The following MPHOSPH8 variants were observed in gnomAD, a reference collection of about 807,000 sequenced individuals.
MPHOSPH8 encodes M-phase phosphoprotein, mpp.
A neutral mutation model predicts 87.3 loss-of-function variants in MPHOSPH8; 45 were observed. The observed-to-expected ratio is 0.52, with a 90% confidence interval of 0.41 to 0.66. The LOEUF (loss-of-function observed/expected upper bound fraction) is 0.66, where lower values mean the gene tolerates loss of function less well. MPHOSPH8 is among the 30% of genes least tolerant of loss of function. The pLI, the probability that MPHOSPH8 is intolerant of heterozygous loss-of-function variation, is 0.00. For synonymous variants in MPHOSPH8, 366 were observed against 376.9 expected (o/e 0.97, Z 0.33); for missense variants, 883 against 1,020.2 (o/e 0.87, Z 1.83).
At chr13:19,645,691 G>A (rs1434890544) in intron 2 of MPHOSPH8, among the ~76,000 whole-genome samples, 2 of 151,272 alleles carry the variant, frequency 1.3e-5, no homozygotes, top group Middle Eastern at 3.2e-3. Context: ...AGGAGGCAGG[G>A]GTTGCAGTGA....
In MPHOSPH8 at chr13:19,647,025, A is replaced by T. The variant is rs141397171; in HGVS notation, c.952A>T (p.Met318Leu). 1.1e-3 allele frequency: 1,748 copies of T among 1,605,382 alleles called. 4 individuals are homozygous for T. The highest frequency in any genetic ancestry group is 1.4e-3 in the Non-Finnish European group (1,600 of 1,177,806). Residue 318 changes from methionine to leucine, a missense_variant, in exon 3 of 14, where the codon ATG (methionine) becomes TTG (leucine). Met to Leu is a conservative substitution (Grantham distance 15, BLOSUM62 2). Transcript: ENST00000361479. ...CTTTGAGAAGCCCCTAGACAGTGCC[A>T]TGAGTGCTGAGGAGGATACCGATGT... The part of the protein sequence containing the change: ...HGFEKPLDSA[M>L]SAEEDTDVRG...
Position 19,633,857 on chromosome 13 carries a change from G to A in MPHOSPH8, c.109G>A (p.Asp37Asn). Residue 37 changes from aspartate (D) to asparagine (N), a missense_variant, in exon 1 of 14, where the codon GAT (aspartate) becomes AAT (asparagine). By Grantham distance (23) the Asp-to-Asn change is conservative. This residue lies in a region of MPHOSPH8 where 103 missense variants were observed against 96.3 expected (regional missense o/e 1.07). Coordinates refer to ENST00000361479, the MANE Select transcript of MPHOSPH8 (RefSeq NM_017520.4). ...AGAAGGAGTTGGAGTAGTGGGCGAAGATAATGACGCAGCCGCGAGAGGAGC... is the reference window on the plus strand; with the variant it reads ...AGAAGGAGTTGGAGTAGTGGGCGAAAATAATGACGCAGCCGCGAGAGGAGC... ...VEEGVGVVGEDNDAAARGAEA... is the reference protein window; with the variant it reads ...VEEGVGVVGENNDAAARGAEA... The A allele has an allele frequency of 1.2e-6, 2 of 1,611,506 alleles. No homozygotes were observed. Among genetic ancestry groups the A allele is most frequent in the South Asian group, 2.2e-5 (2 of 90,288 alleles).
At position 19,673,051 on chromosome 13, in the gene MPHOSPH8, T is replaced by C; in HGVS notation, c.*1176T>C. The C allele has an allele frequency of 2.3e-6, 1 of 439,864 alleles. No individual in the cohort carries two copies. Among genetic ancestry groups the C allele is most frequent in the South Asian group, 1.6e-5 (1 of 62,240 alleles). 27.2% of individuals were successfully genotyped at this position (439,864 alleles called of 1,614,324 possible). A position where few individuals can be genotyped will look rare whatever the true frequency, so the allele number is the denominator to read the frequency against. ...GCCTGAGTGACAGAATGAGACCTTG[T>C]CTCAAAAAAAAAAAAAAGTTTCTTG... On this transcript the variant is annotated 3_prime_UTR_variant, in exon 14 of 14. Transcript: ENST00000361479.
intron 1 of MPHOSPH8, among the ~76,000 whole-genome samples, chr13:19,636,958 T>A (rs1473965128): frequency 1.3e-5 from 2 of 152,194 alleles, no homozygotes; most frequent in African/African-American, 4.8e-5. Context: ...TGCAATTTCC[T>A]TATACATGGC....
At chr13:19,657,971 C>T (rs1467497138) in intron 5 of MPHOSPH8, among the ~76,000 whole-genome samples, 1 of 152,198 alleles carries the variant, frequency 6.6e-6, no homozygotes, top group Non-Finnish European at 1.5e-5. Flanking sequence ...ACATGTCTCC[C>T]CTTACAGGTT....
rs1390204423 is a variant in MPHOSPH8, at chr13:19,658,849, A to G, written c.1577-146A>G. 6.3e-6 allele frequency: 6 copies of G among 957,810 alleles called. No individual in the cohort carries two copies. The East Asian group carries it at 1.3e-4, about 21-fold the overall frequency. The allele number at this position is 957,810 out of a possible 1,614,324, so 59.3% of individuals were successfully genotyped here. ...CTTCCCAAAGAAAATTGGGGATTTT[A>G]TCAATTAAAAGACCCCATTATACAA... On this transcript the variant is annotated intron_variant, in intron 5 of 13. Coordinates refer to ENST00000361479, the MANE Select transcript of MPHOSPH8 (RefSeq NM_017520.4).
chr13:19,655,746 C>T (rs1335398049), intron 5 of MPHOSPH8, among the ~76,000 whole-genome samples: 1 of 152,110 alleles, frequency 6.6e-6, no homozygotes, highest in African/African-American at 2.4e-5. Context: ...TTTTATTCAA[C>T]ATTATACTAA....
chr13:19,650,291 C>T, intron 5 of MPHOSPH8, 31 bp downstream of exon 5: 1 of 1,603,650 alleles, frequency 6.2e-7, no homozygotes, highest in South Asian at 1.1e-5. Flanking sequence ...CAGAATTTTT[C>T]AAGGTAGTGC....
chr13:19,651,323 TG>T (rs1210133210), intron 5 of MPHOSPH8, among the ~76,000 whole-genome samples: 3 of 152,008 alleles, frequency 2.0e-5, no homozygotes, highest in Non-Finnish European at 4.4e-5. Context: ...GCTCAGGAGT[TG>T]GAGACCAGCC....
chr13:19,648,267 CT>C (rs1565936339), intron 3 of MPHOSPH8, among the ~76,000 whole-genome samples, 154 bp from the exon 4 acceptor site: 1 of 151,216 alleles, frequency 6.6e-6, no homozygotes, highest in Non-Finnish European at 1.5e-5. Flanking sequence ...AAGCAAAATT[CT>C]TTTGTGTGAA....
At chr13:19,635,422 G>T (rs1035907578) in intron 1 of MPHOSPH8, among the ~76,000 whole-genome samples, 1 of 152,166 alleles carries the variant, frequency 6.6e-6, no homozygotes, top group Admixed American at 6.5e-5. Context: ...CAGCTACTCG[G>T]GAGGCTGAGG....
At chr13:19,652,775 A>T (rs1274417167) in intron 5 of MPHOSPH8, among the ~76,000 whole-genome samples, 3 of 152,168 alleles carry the variant, frequency 2.0e-5, no homozygotes, top group East Asian at 3.9e-4. Flanking sequence ...CTGAGGCTCG[A>T]GTAGGTCGTT....
intron 2 of MPHOSPH8, among the ~76,000 whole-genome samples, chr13:19,644,200 A>G (rs1874452702): frequency 1.3e-5 from 2 of 151,648 alleles, no homozygotes; most frequent in Admixed American, 6.5e-5. Flanking sequence ...ATCCTTGCCG[A>G]TGCAATTTTG....
chr13:19,663,599 G>C (rs1875666123), intron 9 of MPHOSPH8, among the ~76,000 whole-genome samples: 1 of 152,342 alleles, frequency 6.6e-6, no homozygotes, highest in African/African-American at 2.4e-5. Context: ...GCTTGTTCCT[G>C]TGTTCTGGAA....
intron 2 of MPHOSPH8, among the ~76,000 whole-genome samples, chr13:19,643,350 A>G (rs1033375033): frequency 1.3e-5 from 2 of 152,064 alleles, no homozygotes; most frequent in African/African-American, 2.4e-5. Flanking sequence ...TCAAGTGACA[A>G]TCCTCCCACC....
chr13:19,663,571 G>A (rs1164401491), intron 9 of MPHOSPH8, among the ~76,000 whole-genome samples: 5 of 152,214 alleles, frequency 3.3e-5, no homozygotes, highest in Non-Finnish European at 7.3e-5. Flanking sequence ...TTTTATGTTG[G>A]TGAATTTGTT....
chr13:19,661,650 TG>T (rs757694160), intron 7 of MPHOSPH8, 47 bp from the exon 8 acceptor site: 10 of 1,527,606 alleles, frequency 6.5e-6, no homozygotes, highest in Admixed American at 4.0e-5. Flanking sequence ...GTTCTGAAAT[TG>T]TTCTGACTAA....
intron 11 of MPHOSPH8, 73 bp downstream of exon 11, chr13:19,668,604 C>A: frequency 6.9e-7 from 1 of 1,446,942 alleles, no homozygotes; most frequent in Non-Finnish European, 9.3e-7. Context: ...TAGACAGAAT[C>A]CTTTCTTGGA....
In MPHOSPH8 at chr13:19,654,585, CAAAG is replaced by C. The variant is rs376359931; in HGVS notation, c.1576+4328_1576+4331del. 4.7e-3 allele frequency among the ~76,000 whole-genome samples: 717 copies of C among 152,260 alleles called. 5 individuals are homozygous for C. The highest frequency in any genetic ancestry group is 0.016 in the African/African-American group (667 of 41,566). ...TTATAAAAGTCGCTCTAAAAATAGACAAAGAATGCTAATGCTAACTTATTCTGGG... is the reference window on the plus strand; with the variant it reads ...TTATAAAAGTCGCTCTAAAAATAGACAATGCTAATGCTAACTTATTCTGGG... On this transcript the variant is annotated intron_variant, in intron 5 of 13. Transcript: ENST00000361479.
Sources: allele counts gnomAD v4.1 joint callset (sites outside exome capture counted in the v4.1 genomes callset), GRCh38; gene constraint gnomAD v4.1.1; regional missense constraint gnomAD v4.1.1; transcripts MANE v1.5; gene names NCBI Gene and HGNC (gene_info 2026-07-23, HGNC 2026-07-21).